Variants in DLC1 observed in about 807,000 individuals in gnomAD.
The protein encoded by DLC1 is rho GTPase-activating protein 7.
A neutral mutation model predicts 140.3 loss-of-function variants in DLC1; 54 were observed. The observed-to-expected ratio is 0.38, with a 90% CI of 0.31 to 0.48. The LOEUF is 0.48. DLC1 is among the 20% of genes least tolerant of loss of function. The pLI is 0.96. For missense variants in DLC1, 2,536 were observed against 1,907.0 expected, an observed-to-expected ratio of 1.33 and a Z score of -6.14; for synonymous variants, 986 against 728.1, an observed-to-expected ratio of 1.35 and a Z score of -5.70.
intron 5 of DLC1, among the ~76,000 whole-genome samples, chr8:13,122,305 C>G (rs78853505): frequency 1.3e-5 from 2 of 152,164 alleles, no homozygotes; most frequent in Non-Finnish European, 2.9e-5. Flanking sequence ...TAAGCTTGCT[C>G]CAGGCTTTCC....
Position 13,499,182 on chromosome 8 carries a change from C to T in DLC1, c.890G>A (p.Ser297Asn). ...GMSAENGLEK[S>N]GFSQHQNKSP... ...TTTGTTTTGATGTTGTGAAAAACCA[C>T]TCTTCTCCAGGCCATTTTCAGCTGA... The change falls in exon 2 of 18, where the codon AGT becomes AAT. Residue 297 changes from serine (S) to asparagine (N), a missense_variant. Physicochemically the swap from Ser to Asn is conservative, Grantham distance 46. Transcript: ENST00000276297. The T allele has an allele frequency of 6.2e-7, 1 of 1,614,184 alleles. No homozygotes were observed. The highest frequency in any genetic ancestry group is 8.5e-7 in the Non-Finnish European group (1 of 1,180,020).
At chr8:13,231,535 A>C (rs1369500557) in intron 5 of DLC1, among the ~76,000 whole-genome samples, 3 of 152,238 alleles carry the variant, frequency 2.0e-5, no homozygotes, top group Non-Finnish European at 4.4e-5. Flanking sequence ...CCTCTTGAAG[A>C]AAACTTATAG....
intron 5 of DLC1, among the ~76,000 whole-genome samples, chr8:13,298,839 T>C (rs904823425): frequency 1.3e-5 from 2 of 152,180 alleles, no homozygotes; most frequent in African/African-American, 4.8e-5. Context: ...GCAACAAATC[T>C]GCACTTGTAC....
At chr8:13,310,235 G>T (rs1832620188) in intron 4 of DLC1, among the ~76,000 whole-genome samples, 1 of 152,120 alleles carries the variant, frequency 6.6e-6, no homozygotes, top group African/African-American at 2.4e-5. Flanking sequence ...TCTTTTACAT[G>T]ATTTCAAATA....
chr8:13,245,909 A>T (rs1015935993), intron 5 of DLC1, among the ~76,000 whole-genome samples: 3 of 151,906 alleles, frequency 2.0e-5, no homozygotes, highest in African/African-American at 7.3e-5. Context: ...ACCATGTTGG[A>T]CAGGCTGGTC....
intron 2 of DLC1, among the ~76,000 whole-genome samples, chr8:13,429,238 G>T (rs1191645441): frequency 6.6e-6 from 1 of 152,176 alleles, no homozygotes; most frequent in Non-Finnish European, 1.5e-5. Context: ...TAGTGGAAGA[G>T]ACCTGGCCAT....
At chr8:13,577,537 G>A (rs2410092) in intron 1 of DLC1, among the ~76,000 whole-genome samples, 91,305 of 151,986 alleles carry the variant, frequency 0.6, 27,790 homozygotes, top group Non-Finnish European at 0.66. Flanking sequence ...ATTTGAATTC[G>A]GTATTAATTA....
At chr8:13,154,301 G>A (rs1325793632) in intron 5 of DLC1, among the ~76,000 whole-genome samples, 1 of 152,200 alleles carries the variant, frequency 6.6e-6, no homozygotes, top group African/African-American at 2.4e-5. Flanking sequence ...GCTGCGGTGG[G>A]GGCTCAGGAA....
chr8:13,529,175 C>G (rs1247258950), intron 1 of DLC1, among the ~76,000 whole-genome samples: 1 of 152,058 alleles, frequency 6.6e-6, no homozygotes, highest in African/African-American at 2.4e-5. Flanking sequence ...TACCATTAAG[C>G]TACTTGCTGT....
intron 5 of DLC1, among the ~76,000 whole-genome samples, chr8:13,153,692 G>A (rs1402591492): frequency 1.3e-5 from 2 of 151,184 alleles, no homozygotes; most frequent in African/African-American, 2.4e-5. Context: ...TTAGCTAGAG[G>A]TAAAAGTTCT....
intron 4 of DLC1, among the ~76,000 whole-genome samples, chr8:13,327,906 T>A (rs10100970): frequency 0.84 from 128,219 of 151,958 alleles, 54,706 homozygotes; most frequent in East Asian, 0.95. Flanking sequence ...GAACTAACAT[T>A]TCATTTGACA....
intron 1 of DLC1, among the ~76,000 whole-genome samples, chr8:13,526,582 C>T (rs539979200): frequency 6.6e-6 from 1 of 152,130 alleles, no homozygotes; most frequent in African/African-American, 2.4e-5. Flanking sequence ...TTTAAAAATT[C>T]TATGCAGCCA....
chr8:13,316,155 G>A (rs994685477), intron 4 of DLC1, among the ~76,000 whole-genome samples: 1 of 152,152 alleles, frequency 6.6e-6, no homozygotes, highest in Non-Finnish European at 1.5e-5. Flanking sequence ...GATTTCTGCT[G>A]GTGATGGAAG....
intron 4 of DLC1, among the ~76,000 whole-genome samples, chr8:13,314,085 C>T (rs2117562978): frequency 6.6e-6 from 1 of 152,058 alleles, no homozygotes; most frequent in African/African-American, 2.4e-5. Flanking sequence ...CTTTGGGTGA[C>T]TTCTGAATTG....
intron 4 of DLC1, among the ~76,000 whole-genome samples, chr8:13,380,241 A>C (rs1836191486): frequency 6.6e-6 from 1 of 152,164 alleles, no homozygotes; most frequent in Admixed American, 6.5e-5. Flanking sequence ...ACTGATAAAC[A>C]CTTATATGTT....
chr8:13,227,386 TG>T (rs1199167077), intron 5 of DLC1, among the ~76,000 whole-genome samples: 7 of 152,176 alleles, frequency 4.6e-5, no homozygotes, highest in Non-Finnish European at 8.8e-5. Flanking sequence ...TCCTATAAAC[TG>T]GAGAGACTTG....
At chr8:13,132,550 G>A (rs187274300) in intron 5 of DLC1, among the ~76,000 whole-genome samples, 1 of 152,272 alleles carries the variant, frequency 6.6e-6, no homozygotes, top group Admixed American at 6.5e-5. Flanking sequence ...TACGAGCGCA[G>A]AGCAGTCCCC....
At chr8:13,171,023 T>G (rs547426497) in intron 5 of DLC1, among the ~76,000 whole-genome samples, 2 of 152,290 alleles carry the variant, frequency 1.3e-5, no homozygotes, top group Admixed American at 1.3e-4. Context: ...TTACTGATTA[T>G]CAGAAGATGG....
rs1477654070 is a variant in DLC1, at chr8:13,400,017, A to C, written c.1173+1453T>G. The stretch of plus-strand genomic sequence containing the variant: ...CTAATCCTGCCATTATAATCCTCTT[A>C]TTCCACTACACAATTATCAGAAGGA... On this transcript the variant is annotated intron_variant, in intron 3 of 17. Transcript: ENST00000276297. 2.0e-5 allele frequency among the ~76,000 whole-genome samples: 3 copies of C among 152,292 alleles called. No homozygotes were observed. The East Asian group carries it at 5.8e-4, about 29-fold the overall frequency.
Sources: gnomAD v4.1 joint callset for allele counts (sites outside exome capture counted in the v4.1 genomes callset) on GRCh38, gnomAD v4.1.1 for gene constraint, MANE v1.5 for transcripts, NCBI Gene and HGNC (gene_info 2026-07-23, HGNC 2026-07-21) for gene names.